PDE4B: variants seen among roughly 807,000 people sequenced by gnomAD.
PDE4B encodes phosphodiesterase 4B, also known as 3',5'-cyclic-AMP phosphodiesterase 4B.
In PDE4B, 20 loss-of-function variants were observed where a neutral mutation model predicts 82.2. The observed-to-expected ratio is 0.24, with a 90% CI of 0.17 to 0.35. The LOEUF is 0.35. Among genes scored for constraint, PDE4B ranks in the 10% least tolerant of loss-of-function variants. PDE4B has a pLI of 1.00. For synonymous variants in PDE4B, 320 were observed against 318.9 expected (o/e 1.00, Z -0.04); for missense variants, 655 against 907.2 (o/e 0.72, Z 3.57).
At position 65,827,680 on chromosome 1, in the gene PDE4B, AC is replaced by A. The variant is rs546609769; in HGVS notation, c.-71+34433del. On this transcript the variant is annotated intron_variant, in intron 1 of 16. Coordinates refer to ENST00000341517, the MANE Select transcript of PDE4B (RefSeq NM_002600.4). Reference sequence around the variant, plus strand: ...TATCAAACAGCCTATTCTACATCTAACTGGAATCCTAGGAGGAGAAAAAAGA... The same window carrying A: ...TATCAAACAGCCTATTCTACATCTAATGGAATCCTAGGAGGAGAAAAAAGA... Among the ~76,000 whole-genome samples, 33 of 152,282 alleles carry A rather than the reference AC, an allele frequency of 2.2e-4. No individual in the cohort carries two copies. In the East Asian group the frequency reaches 6.4e-3, roughly 29 times the overall value.
intron 1 of PDE4B, among the ~76,000 whole-genome samples, chr1:65,853,774 C>A (rs1480900929): frequency 6.6e-6 from 1 of 152,108 alleles, no homozygotes; most frequent in Non-Finnish European, 1.5e-5. Context: ...GTGATCCGCC[C>A]ACCTCAGCCT....
intron 7 of PDE4B, among the ~76,000 whole-genome samples, chr1:66,318,594 G>A (rs543799482): frequency 1.6e-4 from 25 of 152,192 alleles, no homozygotes; most frequent in Admixed American, 3.3e-4. Flanking sequence ...TTCACGTCCT[G>A]GCTATAGACT....
chr1:66,171,652 A>C (rs1321826167), intron 3 of PDE4B, among the ~76,000 whole-genome samples: 1 of 152,162 alleles, frequency 6.6e-6, no homozygotes, highest in Non-Finnish European at 1.5e-5. Flanking sequence ...AATACTGTTG[A>C]AAATTACAGC....
chr1:65,832,106 A>G (rs1646088363), intron 1 of PDE4B, among the ~76,000 whole-genome samples: 1 of 152,160 alleles, frequency 6.6e-6, no homozygotes, highest in Non-Finnish European at 1.5e-5. Context: ...GATGTTGCTT[A>G]TGAAATCTTT....
chr1:66,332,237 T>G, intron 7 of PDE4B: 1 of 1,449,170 alleles, frequency 6.9e-7, no homozygotes, highest in African/African-American at 1.4e-5. Flanking sequence ...CCCTCCGCCT[T>G]CTTCCTCAGA....
intron 7 of PDE4B, among the ~76,000 whole-genome samples, chr1:66,301,952 G>C (rs1173326655): frequency 6.6e-6 from 1 of 152,180 alleles, no homozygotes; most frequent in Non-Finnish European, 1.5e-5. Context: ...TTACTGCTCA[G>C]CCAACTTATT....
intron 3 of PDE4B, among the ~76,000 whole-genome samples, chr1:66,197,267 T>C (rs371669800): frequency 6.6e-6 from 1 of 152,160 alleles, no homozygotes; most frequent in Admixed American, 6.6e-5. Context: ...GCATACATTT[T>C]ATTTTTTTCT....
chr1:66,188,172 T>G (rs1400121889), intron 3 of PDE4B, among the ~76,000 whole-genome samples: 5 of 152,122 alleles, frequency 3.3e-5, no homozygotes, highest in Non-Finnish European at 7.3e-5. Flanking sequence ...TCCTGAGTTC[T>G]AGTTTGATTG....
At chr1:66,159,788 G>A (rs114930172) in intron 3 of PDE4B, among the ~76,000 whole-genome samples, 1,649 of 152,128 alleles carry the variant, frequency 0.011, 30 homozygotes, top group African/African-American at 0.038. Context: ...CACTTTCCTG[G>A]GAAGCATTTG....
intron 3 of PDE4B, chr1:66,112,628 G>C (rs1416816814): frequency 6.6e-6 from 1 of 152,188 alleles, no homozygotes; most frequent in African/African-American, 2.4e-5. Context: ...CATTGATGCT[G>C]CCTGACTGTT....
intron 7 of PDE4B, among the ~76,000 whole-genome samples, chr1:66,267,746 A>C (rs973198875): frequency 1.1e-4 from 17 of 152,222 alleles, no homozygotes; most frequent in Non-Finnish European, 2.1e-4. Flanking sequence ...AAGAGAATGT[A>C]GTGATACCAA....
At chr1:66,106,275 C>A (rs1389574170) in intron 3 of PDE4B, among the ~76,000 whole-genome samples, 1 of 151,340 alleles carries the variant, frequency 6.6e-6, no homozygotes, top group Admixed American at 6.6e-5. Context: ...GCCTTGCATC[C>A]CAGGGATGAA....
chr1:66,019,017 T>C (rs1475787523), intron 3 of PDE4B, among the ~76,000 whole-genome samples: 1 of 152,202 alleles, frequency 6.6e-6, no homozygotes, highest in Non-Finnish European at 1.5e-5. Context: ...CTTAAATAAA[T>C]GGATAGAGTT....
rs758685296 is a variant in PDE4B, at chr1:65,857,889, CT to C, written c.-70-55343del. Among the ~76,000 whole-genome samples, 603 of 144,246 alleles carry C rather than the reference CT, an allele frequency of 4.2e-3. 2 individuals are homozygous for C. The highest frequency in any genetic ancestry group is 0.01 in the African/African-American group (409 of 39,672). 94.6% of individuals were successfully genotyped at this position (144,246 alleles called of 152,430 possible). ...GATTCCAGATTCCTGATCTTGACTC[CT>C]TTTTTTTTTTTTCTCTCTAGACTTC... On this transcript the variant is annotated intron_variant, in intron 1 of 16. Coordinates refer to ENST00000341517, the MANE Select transcript of PDE4B (RefSeq NM_002600.4).
intron 3 of PDE4B, among the ~76,000 whole-genome samples, chr1:66,170,598 T>C (rs1477003140): frequency 6.6e-6 from 1 of 152,232 alleles, no homozygotes; most frequent in Non-Finnish European, 1.5e-5. Flanking sequence ...GTAAAGATTT[T>C]CTAACTACTC....
intron 3 of PDE4B, among the ~76,000 whole-genome samples, chr1:66,181,708 C>T (rs1647067061): frequency 6.6e-6 from 1 of 152,098 alleles, no homozygotes; most frequent in African/African-American, 2.4e-5. Flanking sequence ...AGTTATTTTA[C>T]CACCAGCATT....
intron 1 of PDE4B, among the ~76,000 whole-genome samples, chr1:65,849,511 T>G (rs576594580): frequency 2.6e-5 from 4 of 152,268 alleles, no homozygotes; most frequent in African/African-American, 9.6e-5. Context: ...GGCCAGTGAC[T>G]TTTCTCTCTG....
intron 7 of PDE4B, among the ~76,000 whole-genome samples, chr1:66,321,389 A>G (rs560908868): frequency 2.0e-5 from 3 of 152,306 alleles, no homozygotes; most frequent in East Asian, 3.9e-4. Flanking sequence ...TTGCTATTAC[A>G]TGGTTGTAGC....
intron 6 of PDE4B, among the ~76,000 whole-genome samples, chr1:66,260,311 T>C (rs1375070398): frequency 6.6e-6 from 1 of 152,212 alleles, no homozygotes; most frequent in East Asian, 1.9e-4. Context: ...ACTGCAGTGC[T>C]CTTTTCATTT....
Sources: allele counts gnomAD v4.1 joint callset (sites outside exome capture counted in the v4.1 genomes callset), GRCh38; gene constraint gnomAD v4.1.1; transcripts MANE v1.5; gene names NCBI Gene and HGNC (gene_info 2026-07-23, HGNC 2026-07-21).